CEP112: variants seen among roughly 807,000 people sequenced by gnomAD.
CEP112 encodes the protein centrosomal protein of 112 kDa.
A neutral mutation model predicts 153.0 loss-of-function variants in CEP112; 127 were observed. The ratio of observed to expected loss-of-function variants is 0.83; its 90% CI spans 0.72 to 0.96. The LOEUF (loss-of-function observed/expected upper bound fraction) is 0.96. Ranked by LOEUF, CEP112 falls within the 40% of genes least tolerant of loss-of-function variation. The probability of loss-of-function intolerance (pLI) is 0.00; values close to 1 mark genes in which losing one functional copy is unlikely to be tolerated. For synonymous variants in CEP112, 358 were observed against 374.4 expected, an observed-to-expected ratio of 0.96 and a Z score of 0.51; for missense variants, 1,089 against 1,101.2, an observed-to-expected ratio of 0.99 and a Z score of 0.16.
chr17:66,155,810 A>G lies in CEP112; in HGVS notation c.470+19234T>C, dbSNP rs942881968. The stretch of plus-strand genomic sequence containing the variant: ...AGCCCACTGCAGCTCAGCAAAGTCA[A>G]TGTAACCAGACTGCCTCTCTAGATT... On this transcript the variant is annotated intron_variant, in intron 4 of 26. Coordinates refer to ENST00000535342, the MANE Select transcript of CEP112 (RefSeq NM_001199165.4). Among the ~76,000 whole-genome samples the G allele has an allele frequency of 3.9e-5, 6 of 152,282 alleles. No individual in the cohort carries two copies. The East Asian group carries it at 7.7e-4, about 20-fold the overall frequency.
chr17:65,858,630 G>A (rs2058203495), intron 20 of CEP112, among the ~76,000 whole-genome samples: 1 of 151,428 alleles, frequency 6.6e-6, no homozygotes, highest in Non-Finnish European at 1.5e-5. Context: ...TTTGTTCTTT[G>A]ATCAGTCCTA....
At chr17:66,148,843 T>C (rs2071037326) in intron 4 of CEP112, among the ~76,000 whole-genome samples, 2 of 152,284 alleles carry the variant, frequency 1.3e-5, no homozygotes, top group South Asian at 4.1e-4. Flanking sequence ...ACTTTTTCTT[T>C]TTCTTTTTCT....
intron 21 of CEP112, among the ~76,000 whole-genome samples, chr17:65,848,613 G>A (rs2057810383): frequency 6.6e-6 from 1 of 151,974 alleles, no homozygotes. Context: ...CACTGGCCAG[G>A]CCTTCTCTGT....
At chr17:66,170,292 G>GT (rs2072190324) in intron 4 of CEP112, among the ~76,000 whole-genome samples, 1 of 152,086 alleles carries the variant, frequency 6.6e-6, no homozygotes, top group Non-Finnish European at 1.5e-5. Flanking sequence ...GACCTCCATG[G>GT]TAAGTATCTG....
chr17:65,655,846 C>G (rs2046038122), intron 24 of CEP112, among the ~76,000 whole-genome samples: 1 of 152,034 alleles, frequency 6.6e-6, no homozygotes, highest in African/African-American at 2.4e-5. Context: ...ATAAGCAATA[C>G]CCTTTACTTC....
chr17:66,058,396 AT>A (rs745667725), intron 11 of CEP112, among the ~76,000 whole-genome samples: 2 of 152,166 alleles, frequency 1.3e-5, no homozygotes, highest in African/African-American at 2.4e-5. Context: ...ATGACTAGAA[AT>A]AACAAAATAA....
intron 21 of CEP112, among the ~76,000 whole-genome samples, chr17:65,768,631 G>A (rs1021788083): frequency 6.6e-6 from 1 of 151,270 alleles, no homozygotes; most frequent in Non-Finnish European, 1.5e-5. Flanking sequence ...CCCCTGACAT[G>A]CAAGGCTGGT....
chr17:65,677,144 A>T (rs1056044268), intron 24 of CEP112, among the ~76,000 whole-genome samples: 1 of 152,114 alleles, frequency 6.6e-6, no homozygotes, highest in Non-Finnish European at 1.5e-5. Flanking sequence ...CGTGCTCTTT[A>T]CCTCCTATTT....
chr17:66,123,806 G>C (rs1238815144), intron 6 of CEP112, among the ~76,000 whole-genome samples: 1 of 152,116 alleles, frequency 6.6e-6, no homozygotes, highest in African/African-American at 2.4e-5. Flanking sequence ...ATTTAGAAGT[G>C]TGTTGTTTAA....
intron 16 of CEP112, among the ~76,000 whole-genome samples, chr17:66,011,154 C>T (rs1435666008): frequency 6.6e-6 from 1 of 151,976 alleles, no homozygotes; most frequent in African/African-American, 2.4e-5. Flanking sequence ...TTGGTTTGTT[C>T]AGGGATTCAG....
At chr17:65,849,887 C>T (rs374305232) in intron 21 of CEP112, among the ~76,000 whole-genome samples, 2 of 152,136 alleles carry the variant, frequency 1.3e-5, no homozygotes, top group South Asian at 2.1e-4. Context: ...GGCGCGGTGG[C>T]TTACGCCTGT....
chr17:65,834,044 C>T (rs2146145975), intron 21 of CEP112, among the ~76,000 whole-genome samples: 1 of 152,206 alleles, frequency 6.6e-6, no homozygotes, highest in East Asian at 1.9e-4. Flanking sequence ...AGAAATAAGG[C>T]TACACATTTA....
intron 12 of CEP112, among the ~76,000 whole-genome samples, chr17:66,052,187 CT>C (rs2066469420): frequency 6.6e-6 from 1 of 152,194 alleles, no homozygotes; most frequent in South Asian, 2.1e-4. Context: ...ATATGCATCA[CT>C]TTAAGTACCC....
At chr17:65,648,966 G>A (rs768673817) in intron 24 of CEP112, among the ~76,000 whole-genome samples, 2 of 152,118 alleles carry the variant, frequency 1.3e-5, no homozygotes, top group Admixed American at 6.6e-5. Flanking sequence ...CAGAAGAATC[G>A]CTTGAAGCCA....
intron 23 of CEP112, among the ~76,000 whole-genome samples, chr17:65,695,169 C>T (rs954893365): frequency 6.6e-6 from 1 of 152,212 alleles, no homozygotes; most frequent in African/African-American, 2.4e-5. Context: ...ATGTAAACGA[C>T]ATAAGCAGCT....
chr17:65,713,846 C>T (rs1028820646), intron 23 of CEP112, among the ~76,000 whole-genome samples: 4 of 152,140 alleles, frequency 2.6e-5, no homozygotes, highest in African/African-American at 9.7e-5. Context: ...CCTCGGCCTC[C>T]CAAAGTGCTG....
intron 18 of CEP112, among the ~76,000 whole-genome samples, chr17:65,942,820 C>A (rs1451002475): frequency 6.6e-6 from 1 of 152,136 alleles, no homozygotes; most frequent in Non-Finnish European, 1.5e-5. Context: ...CCATCAGATA[C>A]AGTCATAATA....
At chr17:65,825,904 T>G (rs1228471702) in intron 21 of CEP112, among the ~76,000 whole-genome samples, 1 of 152,162 alleles carries the variant, frequency 6.6e-6, no homozygotes, top group Non-Finnish European at 1.5e-5. Context: ...AGATTCTGCC[T>G]GTTGCCCCCA....
At chr17:65,785,408 A>T (rs944277878) in intron 21 of CEP112, among the ~76,000 whole-genome samples, 1 of 152,216 alleles carries the variant, frequency 6.6e-6, no homozygotes, top group Non-Finnish European at 1.5e-5. Flanking sequence ...TTCCAAAATG[A>T]CTGCACCATT....
Sources: allele counts gnomAD v4.1 joint callset (sites outside exome capture counted in the v4.1 genomes callset), GRCh38; gene constraint gnomAD v4.1.1; transcripts MANE v1.5; gene names NCBI Gene and HGNC (gene_info 2026-07-23, HGNC 2026-07-21).